The following LONRF1 variants were observed in gnomAD, a reference collection of about 807,000 sequenced individuals.
LONRF1 encodes LON peptidase N-terminal domain and RING finger protein 1.
Under a neutral mutation model 85.8 loss-of-function variants are expected in LONRF1, and 37 were observed. That is an observed-to-expected ratio of 0.43 (90% CI 0.33 to 0.57). The LOEUF (loss-of-function observed/expected upper bound fraction) is 0.57, where lower values mean the gene tolerates loss of function less well. LONRF1 is among the 20% of genes least tolerant of loss of function. The probability of loss-of-function intolerance (pLI) is 0.04; values close to 1 mark genes in which losing one functional copy is unlikely to be tolerated. For missense variants in LONRF1, 1,036 were observed against 978.0 expected, an observed-to-expected ratio of 1.06 and a Z score of -0.79; for synonymous variants, 517 against 390.1, an observed-to-expected ratio of 1.33 and a Z score of -3.83.
intron 8 of LONRF1, chr8:12,729,537 G>A (rs547050617): frequency 3.6e-4 from 183 of 504,658 alleles, no homozygotes; most frequent in Non-Finnish European, 6.1e-4. Flanking sequence ...TATTAATACT[G>A]AAAATCTGCT....
intron 1 of LONRF1, among the ~76,000 whole-genome samples, chr8:12,747,773 T>C (rs1405056067): frequency 6.6e-6 from 1 of 151,878 alleles, no homozygotes; most frequent in Non-Finnish European, 1.5e-5. Context: ...TTTTTTTTTT[T>C]TAGAAAACTG....
chr8:12,739,777 T>C (rs896653148), intron 3 of LONRF1, among the ~76,000 whole-genome samples: 1 of 152,218 alleles, frequency 6.6e-6, no homozygotes, highest in Non-Finnish European at 1.5e-5. Context: ...ACACATGCTC[T>C]TAAAATTAAA....
Position 12,755,447 on chromosome 8 carries a change from G to GCCCGCCGCCA in LONRF1, c.-37_-28dup, listed in dbSNP as rs1585271170. On this transcript the variant is annotated 5_prime_UTR_variant, in exon 1 of 12. Transcript: ENST00000398246. ...GCCCGCGGAGGGCTGCGCCGCCGCC[G>GCCCGCCGCCA]CCCGCCGCCACGGTCCCGGAGCCTC... 3 of 1,103,610 alleles carry GCCCGCCGCCA rather than the reference G, an allele frequency of 2.7e-6. No individual in the cohort carries two copies. In the East Asian group the frequency reaches 1.5e-4, roughly 54 times the overall value. The allele number at this position is 1,103,610 out of a possible 1,614,324, so 68.4% of individuals were successfully genotyped here. A position where few individuals can be genotyped will look rare whatever the true frequency, so the allele number is the denominator to read the frequency against.
At chr8:12,737,363 G>T in intron 4 of LONRF1, 1 of 687,494 alleles carries the variant, frequency 1.5e-6, no homozygotes, top group Non-Finnish European at 2.6e-6. Context: ...TCATCCAACT[G>T]GGGATAGAAA....
chr8:12,745,327 A>G (rs1157527630), intron 1 of LONRF1, among the ~76,000 whole-genome samples: 27 of 7,978 alleles, frequency 3.4e-3, no homozygotes, highest in South Asian at 6.6e-3. Context: ...TTTGGAAAAA[A>G]AAAAAAAAAA....
In LONRF1 at chr8:12,737,117, A is replaced by G; in HGVS notation, c.1137T>C (p.Thr379=). The G allele has an allele frequency of 6.2e-7, 1 of 1,612,754 alleles. No individual in the cohort carries two copies. Among genetic ancestry groups the G allele is most frequent in the African/African-American group, 1.3e-5 (1 of 74,942 alleles). Residue 379 remains threonine (T), a synonymous_variant, in exon 5 of 12, where the codon ACT becomes ACC. Coordinates refer to ENST00000398246, the MANE Select transcript of LONRF1 (RefSeq NM_152271.5). ...TTAAGCTTCCTTTGACAGGCTCTGAAGTGACCTCTGGTATTTCTTCACTCT... is the reference window on the plus strand; with the variant it reads ...TTAAGCTTCCTTTGACAGGCTCTGAGGTGACCTCTGGTATTTCTTCACTCT... ...PKQSEEIPEV[T]SEPVKGSLNR... is the part of the protein sequence containing the mutation.
intron 8 of LONRF1, among the ~76,000 whole-genome samples, chr8:12,730,799 T>C (rs981195785): frequency 1.3e-5 from 2 of 152,202 alleles, no homozygotes; most frequent in African/African-American, 4.8e-5. Context: ...GGAAGGCACC[T>C]GGCTCACTGA....
At chr8:12,740,806 G>A (rs1798903437) in intron 3 of LONRF1, 68 bp downstream of exon 3, 1 of 1,520,432 alleles carries the variant, frequency 6.6e-7, no homozygotes, top group Non-Finnish European at 8.9e-7. Flanking sequence ...ACTTTTATTA[G>A]CTTTTTTTTT....
In LONRF1 at chr8:12,722,915, A is replaced by G; in HGVS notation, c.*181T>C. The G allele has an allele frequency of 1.8e-6, 1 of 559,500 alleles. No individual in the cohort carries two copies. The highest frequency in any genetic ancestry group is 3.1e-6 in the Non-Finnish European group (1 of 320,528). The allele number at this position is 559,500 out of a possible 1,614,324, so 34.7% of individuals were successfully genotyped here. A position where few individuals can be genotyped will look rare whatever the true frequency, so the allele number is the denominator to read the frequency against. ...TGCGTGTTTTTCTGTGCAAGTTCTT[A>G]GTGGTCTAAATCCTAGTTGAAGGTA... On this transcript the variant is annotated 3_prime_UTR_variant, in exon 12 of 12. Coordinates refer to ENST00000398246, the MANE Select transcript of LONRF1 (RefSeq NM_152271.5).
At chr8:12,742,884 C>T (rs1385799653) in intron 2 of LONRF1, among the ~76,000 whole-genome samples, 1 of 152,084 alleles carries the variant, frequency 6.6e-6, no homozygotes, top group Non-Finnish European at 1.5e-5. Flanking sequence ...AACAACCATG[C>T]CAGGCTCATT....
intron 2 of LONRF1, among the ~76,000 whole-genome samples, chr8:12,741,387 C>T (rs1263702295): frequency 6.6e-6 from 1 of 151,778 alleles, no homozygotes; most frequent in Non-Finnish European, 1.5e-5. Flanking sequence ...CTGTCTCAAA[C>T]AAACAAAAAA....
At chr8:12,735,570 T>C (rs990009051) in intron 6 of LONRF1, 170 bp from the exon 7 acceptor site, 4 of 566,500 alleles carry the variant, frequency 7.1e-6, no homozygotes, top group South Asian at 4.3e-5. Flanking sequence ...CCCTCCAGAA[T>C]GTTTTAAAAT....
chr8:12,750,088 C>G (rs1467591099), intron 1 of LONRF1, among the ~76,000 whole-genome samples: 1 of 152,188 alleles, frequency 6.6e-6, no homozygotes, highest in Non-Finnish European at 1.5e-5. Context: ...TCAGTTTTAA[C>G]TTGGTCACTT....
At chr8:12,730,040 G>C (rs1354123294) in intron 8 of LONRF1, among the ~76,000 whole-genome samples, 3 of 152,106 alleles carry the variant, frequency 2.0e-5, no homozygotes, top group African/African-American at 7.2e-5. Flanking sequence ...TCATGTTCTT[G>C]GAACCAACCA....
chr8:12,748,119 G>C (rs144062482), intron 1 of LONRF1, among the ~76,000 whole-genome samples: 4 of 152,142 alleles, frequency 2.6e-5, no homozygotes, highest in Non-Finnish European at 4.4e-5. Flanking sequence ...AGTATAAAAA[G>C]TATAACAAAC....
intron 1 of LONRF1, among the ~76,000 whole-genome samples, chr8:12,752,114 T>C (rs989102616): frequency 7.9e-5 from 12 of 152,236 alleles, no homozygotes; most frequent in African/African-American, 2.7e-4. Flanking sequence ...TAGTTAATAG[T>C]ATTTACTTGT....
intron 10 of LONRF1, 129 bp from the exon 11 acceptor site, chr8:12,726,008 A>G: frequency 2.6e-6 from 2 of 769,718 alleles, no homozygotes; most frequent in South Asian, 1.9e-5. Context: ...GACGTCCCAG[A>G]GAGTATTATT....
intron 11 of LONRF1, among the ~76,000 whole-genome samples, chr8:12,724,548 G>T (rs1322116409): frequency 6.6e-6 from 1 of 152,066 alleles, no homozygotes; most frequent in Non-Finnish European, 1.5e-5. Context: ...CCTTCATTCT[G>T]GGAAAATGAC....
At chr8:12,726,643 C>A (rs546410548) in intron 10 of LONRF1, among the ~76,000 whole-genome samples, 1 of 152,322 alleles carries the variant, frequency 6.6e-6, no homozygotes, top group African/African-American at 2.4e-5. Flanking sequence ...ATACTGATTT[C>A]TTTAATGCAC....
Sources: gnomAD v4.1 joint callset for allele counts (sites outside exome capture counted in the v4.1 genomes callset) on GRCh38, gnomAD v4.1.1 for gene constraint, MANE v1.5 for transcripts, NCBI Gene and HGNC (gene_info 2026-07-23, HGNC 2026-07-21) for gene names.